The following DMXL1 variants were observed in gnomAD, a reference collection of about 807,000 sequenced individuals.
DMXL1 encodes the protein dmX-like protein 1.
A neutral mutation model predicts 319.2 loss-of-function variants in DMXL1; 99 were observed. The ratio of observed to expected loss-of-function variants is 0.31; its 90% confidence interval spans 0.26 to 0.37. The LOEUF is 0.37. DMXL1 is among the 10% of genes least tolerant of loss of function. The pLI is 1.00. For synonymous variants in DMXL1, 1,385 were observed against 1,235.2 expected (o/e 1.12, Z -2.54); for missense variants, 3,745 against 3,595.6 (o/e 1.04, Z -1.06).
chr5:119,137,384 T>C (rs1766258455), intron 13 of DMXL1, among the ~76,000 whole-genome samples: 1 of 152,186 alleles, frequency 6.6e-6, no homozygotes, highest in South Asian at 2.1e-4. Context: ...AGATGATACT[T>C]TGGACTTGGA....
chr5:119,229,180 A>C (rs2150652265), intron 38 of DMXL1, among the ~76,000 whole-genome samples: 1 of 151,742 alleles, frequency 6.6e-6, no homozygotes, highest in South Asian at 2.1e-4. Flanking sequence ...AAAGACAAAA[A>C]AACAAAATCT....
Position 119,173,754 on chromosome 5 carries a change from GTATATATATATA to G in DMXL1, c.6682-1505_6682-1494del, listed in dbSNP as rs1192629133. Among the ~76,000 whole-genome samples the G allele has an allele frequency of 3.8e-4, 30 of 77,978 alleles. 1 individual carries two copies. Among genetic ancestry groups the G allele is most frequent in the African/African-American group, 1.2e-3 (27 of 22,770 alleles). 51.2% of individuals were successfully genotyped at this position (77,978 alleles called of 152,430 possible). A position where few individuals can be genotyped will look rare whatever the true frequency, so the allele number is the denominator to read the frequency against. On this transcript the variant is annotated intron_variant, in intron 25 of 43. Coordinates refer to ENST00000539542, the MANE Select transcript of DMXL1 (RefSeq NM_001290321.3). Reference sequence around the variant, plus strand: ...TATGTGTGTATATATATATGTGTGTGTATATATATATATGTGTGTGTGTATATATATATATAT... The same window carrying G: ...TATGTGTGTATATATATATGTGTGTGTGTGTGTGTGTATATATATATATAT...
chr5:119,099,037 A>G (rs1235207161), intron 2 of DMXL1, among the ~76,000 whole-genome samples: 2 of 152,130 alleles, frequency 1.3e-5, no homozygotes, highest in Non-Finnish European at 2.9e-5. Context: ...TATTTGTTGG[A>G]CTACTGTTCT....
rs559073611 is a variant in DMXL1 at position 119,130,622 on chromosome 5, C to T, written c.1315+1199C>T. On this transcript the variant is annotated intron_variant, in intron 10 of 43. Coordinates refer to ENST00000539542, the MANE Select transcript of DMXL1 (RefSeq NM_001290321.3). The stretch of plus-strand genomic sequence containing the variant: ...CCTCCCAAAGTGCTGGGATTACAGG[C>T]GTGAGACACCATGCTCGGCCTGTGC... 4.6e-5 allele frequency among the ~76,000 whole-genome samples: 7 copies of T among 152,156 alleles called. No homozygotes were observed. In the East Asian group the frequency reaches 1.2e-3, roughly 25 times the overall value.
Position 119,121,914 on chromosome 5 carries a change from A to AC in DMXL1, c.1102+783dup, listed in dbSNP as rs1225690132. Among the ~76,000 whole-genome samples the AC allele has an allele frequency of 6.8e-3, 767 of 113,268 alleles. 10 individuals are homozygous for AC. Among genetic ancestry groups the AC allele is most frequent in the Middle Eastern group, 0.019 (3 of 158 alleles). The allele number at this position is 113,268 out of a possible 152,430, so 74.3% of individuals were successfully genotyped here. On this transcript the variant is annotated intron_variant, in intron 9 of 43. Coordinates refer to ENST00000539542, the MANE Select transcript of DMXL1 (RefSeq NM_001290321.3). The stretch of plus-strand genomic sequence containing the variant: ...GGGCGGCTGGCCGGGCGGGGGGCTG[A>AC]CCCCCCCCACCTCCCTCCCGGACGG...
intron 13 of DMXL1, among the ~76,000 whole-genome samples, chr5:119,136,113 G>A (rs981518101): frequency 6.6e-6 from 1 of 152,222 alleles, no homozygotes; most frequent in African/African-American, 2.4e-5. Context: ...TGGAGATGAC[G>A]AACTTACTGG....
chr5:119,239,974 AC>A (rs1406758299), intron 41 of DMXL1, among the ~76,000 whole-genome samples: 2 of 150,514 alleles, frequency 1.3e-5, no homozygotes, highest in Admixed American at 6.6e-5. Flanking sequence ...AAAAAAAAAA[AC>A]AAAAAATTGT....
At chr5:119,161,887 A>G (rs1244319191) in intron 19 of DMXL1, among the ~76,000 whole-genome samples, 9 of 152,130 alleles carry the variant, frequency 5.9e-5, no homozygotes, top group Admixed American at 5.9e-4. Flanking sequence ...ATTGGATGCT[A>G]CCACTGGCAG....
intron 8 of DMXL1, 27 bp from the exon 9 acceptor site, chr5:119,120,944 G>GT: frequency 1.9e-6 from 3 of 1,581,680 alleles, no homozygotes; most frequent in Non-Finnish European, 1.7e-6. Flanking sequence ...GACAATATAG[G>GT]TATTAGTTTT....
At chr5:119,163,994 A>C (rs1296190313) in intron 19 of DMXL1, among the ~76,000 whole-genome samples, 1 of 152,142 alleles carries the variant, frequency 6.6e-6, no homozygotes, top group Non-Finnish European at 1.5e-5. Flanking sequence ...TTACAGCGTA[A>C]GCCACCGCAC....
At chr5:119,081,615 A>T in intron 1 of DMXL1, 1 of 985,376 alleles carries the variant, frequency 1.0e-6, no homozygotes, top group South Asian at 4.7e-5. Flanking sequence ...AGAAGTGTAG[A>T]TGAGAAGTTA....
Position 119,118,750 on chromosome 5 carries a change from C to T in DMXL1, c.744-65C>T, listed in dbSNP as rs778558865. The T allele has an allele frequency of 4.0e-5, 50 of 1,235,346 alleles. 1 individual carries two copies. The highest frequency in any genetic ancestry group is 4.8e-5 in the Non-Finnish European group (42 of 880,768). 76.5% of individuals were successfully genotyped at this position (1,235,346 alleles called of 1,614,324 possible). On this transcript the variant is annotated intron_variant, in intron 7 of 43. Coordinates refer to ENST00000539542, the MANE Select transcript of DMXL1 (RefSeq NM_001290321.3). The stretch of plus-strand genomic sequence containing the variant: ...TACATTTAAGTAATTACAGAAACAT[C>T]GTAGAATTTCTGTGATACTATGTGA...
chr5:119,243,338 G>A (rs1011599210), intron 42 of DMXL1, among the ~76,000 whole-genome samples: 1 of 152,112 alleles, frequency 6.6e-6, no homozygotes, highest in Non-Finnish European at 1.5e-5. Context: ...ACCCTATTAG[G>A]TAGGTGATAA....
rs773591355 is a variant in DMXL1 at position 119,216,094 on chromosome 5, C to CAAAAA, written c.7927-783_7927-779dup. Among the ~76,000 whole-genome samples, 6 of 37,354 alleles carry CAAAAA rather than the reference C, an allele frequency of 1.6e-4. 2 individuals are homozygous for CAAAAA. Among genetic ancestry groups the CAAAAA allele is most frequent in the Non-Finnish European group, 2.3e-4 (5 of 21,444 alleles). 24.5% of individuals were successfully genotyped at this position (37,354 alleles called of 152,430 possible). ...GCCTGGGCGACAAGAGCATCCATCT[C>CAAAAA]AAAAAAAAAAAAAAAAAAAAAAAAA... On this transcript the variant is annotated intron_variant, in intron 34 of 43. Transcript: ENST00000539542.
chr5:119,196,587 C>A, intron 31 of DMXL1, 131 bp downstream of exon 31: 1 of 612,486 alleles, frequency 1.6e-6, no homozygotes, highest in Non-Finnish European at 2.7e-6. Context: ...AGTTAGATTT[C>A]TTTTAACTAA....
chr5:119,119,596 C>T (rs1445364239), intron 8 of DMXL1, among the ~76,000 whole-genome samples: 1 of 150,214 alleles, frequency 6.7e-6, no homozygotes, highest in African/African-American at 2.5e-5. Flanking sequence ...AGTGCAGTGG[C>T]ATGATCTTGG....
intron 2 of DMXL1, 142 bp downstream of exon 2, chr5:119,098,246 A>G: frequency 1.2e-6 from 1 of 827,024 alleles, no homozygotes; most frequent in East Asian, 2.8e-5. Flanking sequence ...TTGGCTGTCT[A>G]AGATGCATTC....
intron 3 of DMXL1, among the ~76,000 whole-genome samples, chr5:119,104,822 C>G (rs1441072848): frequency 6.6e-6 from 1 of 151,840 alleles, no homozygotes; most frequent in African/African-American, 2.4e-5. Context: ...CAGATGGGGA[C>G]AAAACAGTAA....
intron 33 of DMXL1, among the ~76,000 whole-genome samples, chr5:119,204,183 GT>G (rs1474591128): frequency 6.6e-6 from 1 of 151,882 alleles, no homozygotes; most frequent in East Asian, 1.9e-4. Context: ...TGTCACACAG[GT>G]TGGAGTACAG....
Sources: allele counts gnomAD v4.1 joint callset (sites outside exome capture counted in the v4.1 genomes callset), GRCh38; gene constraint gnomAD v4.1.1; transcripts MANE v1.5; gene names NCBI Gene and HGNC (gene_info 2026-07-23, HGNC 2026-07-21).